The following ZNF438 variants were observed in gnomAD, a reference collection of about 807,000 sequenced individuals.
ZNF438 encodes the protein zinc finger protein 438.
In ZNF438, 25 loss-of-function variants were observed where a neutral mutation model predicts 38.0. The observed-to-expected ratio is 0.66, with a 90% CI of 0.48 to 0.92. ZNF438 has a LOEUF of 0.92. Among genes scored for constraint, ZNF438 ranks in the 40% least tolerant of loss-of-function variants. The probability of loss-of-function intolerance (pLI) is 0.00; values close to 1 mark genes in which losing one functional copy is unlikely to be tolerated. For missense variants in ZNF438, 1,007 were observed against 999.6 expected, an observed-to-expected ratio of 1.01 and a Z score of -0.10; for synonymous variants, 372 against 364.1, an observed-to-expected ratio of 1.02 and a Z score of -0.25.
chr10:30,976,346 T>C (rs1322599823), intron 1 of ZNF438, among the ~76,000 whole-genome samples: 1 of 152,150 alleles, frequency 6.6e-6, no homozygotes, highest in Non-Finnish European at 1.5e-5. Flanking sequence ...CTAAAAGTAA[T>C]GACAAAGAAA....
intron 4 of ZNF438, among the ~76,000 whole-genome samples, chr10:30,872,425 C>CAAAATAAAAAAAAAAAA (rs2037600107): frequency 1.7e-5 from 1 of 58,676 alleles, no homozygotes; most frequent in Admixed American, 2.3e-4. Context: ...GACTCTGTCT[C>CAAAATAAAAAAAAAAAA]AAAAAAAAAA....
At chr10:30,930,521 C>T (rs551541058) in intron 2 of ZNF438, among the ~76,000 whole-genome samples, 66 of 152,144 alleles carry the variant, frequency 4.3e-4, no homozygotes, top group African/African-American at 1.4e-3. Flanking sequence ...GCTCCTCAAG[C>T]GTGGCCAGAG....
intron 4 of ZNF438, chr10:30,857,596 GC>G: frequency 9.0e-7 from 1 of 1,107,274 alleles, no homozygotes; most frequent in Non-Finnish European, 1.3e-6. Context: ...CTTTCTGAAA[GC>G]CCACTTATTA....
In ZNF438 at chr10:30,897,370, G is replaced by A. The variant is rs775685238; in HGVS notation, c.-32+11563C>T. ...CCAATACTATCACCCCATGTTCTCT[G>A]GTGAGTTTATTAGAAAGGCAGGGAG... On this transcript the variant is annotated intron_variant, in intron 3 of 5. Transcript: ENST00000413025. Among the ~76,000 whole-genome samples the A allele has an allele frequency of 4.5e-4, 68 of 152,150 alleles. 2 individuals carry two copies. Among genetic ancestry groups the A allele is most frequent in the Non-Finnish European group, 3.1e-4 (21 of 68,032 alleles).
intron 1 of ZNF438, among the ~76,000 whole-genome samples, chr10:31,000,314 T>C (rs1048963966): frequency 6.6e-6 from 1 of 152,254 alleles, no homozygotes; most frequent in African/African-American, 2.4e-5. Flanking sequence ...CACTGGACCA[T>C]GGCCTAACAG....
chr10:30,849,205 C>T (rs746141831), exon 5 of ZNF438: 1 of 1,614,108 alleles, frequency 6.2e-7, no homozygotes, highest in Non-Finnish European at 8.5e-7. Flanking sequence ...TATATTTCCT[C>T]CTTTTTCCCT....
chr10:30,988,526 A>G (rs949263232), intron 1 of ZNF438, among the ~76,000 whole-genome samples: 2 of 152,140 alleles, frequency 1.3e-5, no homozygotes, highest in African/African-American at 4.8e-5. Context: ...TAACAAGATT[A>G]TAATTATTGT....
At chr10:30,856,089 G>A (rs1236175541) in intron 4 of ZNF438, among the ~76,000 whole-genome samples, 1 of 152,192 alleles carries the variant, frequency 6.6e-6, no homozygotes, top group African/African-American at 2.4e-5. Context: ...GTGTGTCTAT[G>A]CATAAATGAC....
At chr10:30,891,753 T>C (rs1242274595) in intron 3 of ZNF438, among the ~76,000 whole-genome samples, 1 of 152,200 alleles carries the variant, frequency 6.6e-6, no homozygotes, top group African/African-American at 2.4e-5. Context: ...CTCACGTTTG[T>C]GGCAAATTTT....
At chr10:30,875,759 G>A (rs1202177661) in intron 4 of ZNF438, among the ~76,000 whole-genome samples, 2 of 152,190 alleles carry the variant, frequency 1.3e-5, no homozygotes, top group Non-Finnish European at 2.9e-5. Flanking sequence ...AAACCAAGCG[G>A]TCTAATTCCT....
intron 1 of ZNF438, among the ~76,000 whole-genome samples, chr10:30,959,807 C>T (rs577703591): frequency 6.8e-6 from 1 of 146,710 alleles, no homozygotes; most frequent in Non-Finnish European, 1.5e-5. Context: ...CTCTGGAGAA[C>T]CTTACTACAT....
At chr10:31,006,771 C>CG (rs1199655042) in intron 1 of ZNF438, among the ~76,000 whole-genome samples, 1 of 2,452 alleles carries the variant, frequency 4.1e-4, no homozygotes, top group African/African-American at 5.1e-3. Context: ...GTGTGGTTGG[C>CG]GGGGGGCGGG....
At chr10:31,011,710 T>G (rs969309761) in intron 1 of ZNF438, among the ~76,000 whole-genome samples, 13 of 152,218 alleles carry the variant, frequency 8.5e-5, no homozygotes, top group Non-Finnish European at 1.5e-4. Flanking sequence ...ATATGTTATT[T>G]GTGAACCACC....
chr10:30,948,061 C>T (rs924351932), intron 1 of ZNF438, among the ~76,000 whole-genome samples: 5 of 152,160 alleles, frequency 3.3e-5, no homozygotes, highest in African/African-American at 1.2e-4. Flanking sequence ...TCAGTACGGG[C>T]AGACTGCCTC....
chr10:31,025,397 T>C (rs1478615661), intron 1 of ZNF438, among the ~76,000 whole-genome samples: 1 of 152,218 alleles, frequency 6.6e-6, no homozygotes, highest in Non-Finnish European at 1.5e-5. Context: ...AAATGTTTTC[T>C]AGACATTGCC....
chr10:30,851,091 T>A (rs939868573), intron 4 of ZNF438, among the ~76,000 whole-genome samples: 1 of 152,250 alleles, frequency 6.6e-6, no homozygotes, highest in Non-Finnish European at 1.5e-5. Flanking sequence ...AAAGCTGATG[T>A]GACACCTTTA....
chr10:30,898,825 T>C (rs1055374528), intron 3 of ZNF438, among the ~76,000 whole-genome samples: 3 of 152,132 alleles, frequency 2.0e-5, no homozygotes, highest in East Asian at 1.9e-4. Flanking sequence ...TCATCCAGTA[T>C]AGCAATTTAG....
At position 30,877,077 on chromosome 10, in the gene ZNF438, C is replaced by T. The variant is rs375739171; in HGVS notation, c.-31-12G>A. ...GAATAGTATCTTTCCTAAAAATAAGCAAGCACAAATAAGTATTAGAAAGTA... is the reference window on the plus strand; with the variant it reads ...GAATAGTATCTTTCCTAAAAATAAGTAAGCACAAATAAGTATTAGAAAGTA... On this transcript the variant is annotated splice_polypyrimidine_tract_variant and intron_variant, in intron 3 of 5. Coordinates refer to ENST00000413025, the Ensembl canonical transcript of ZNF438. 1 of 1,523,200 alleles carries T rather than the reference C, an allele frequency of 6.6e-7. No individual in the cohort carries two copies. Among genetic ancestry groups the T allele is most frequent in the Non-Finnish European group, 9.0e-7 (1 of 1,113,554 alleles). 94.4% of individuals were successfully genotyped at this position (1,523,200 alleles called of 1,614,324 possible).
intron 1 of ZNF438, among the ~76,000 whole-genome samples, chr10:31,003,041 C>A (rs1392351498): frequency 6.6e-6 from 1 of 152,090 alleles, no homozygotes; most frequent in Non-Finnish European, 1.5e-5. Context: ...GGGGCTCAGT[C>A]CAGTGGTATA....
Sources: allele counts gnomAD v4.1 joint callset (sites outside exome capture counted in the v4.1 genomes callset), GRCh38; gene constraint gnomAD v4.1.1; transcripts MANE v1.5; gene names NCBI Gene and HGNC (gene_info 2026-07-23, HGNC 2026-07-21).